The following MDFIC2 variants were observed in gnomAD, a reference collection of about 807,000 sequenced individuals.
The protein encoded by MDFIC2 is MyoD family inhibitor domain containing 2.
rs150258065 is a variant in MDFIC2 at position 70,194,884 on chromosome 3, G to A, written c.*2042C>T. ...TCCTCCTTTAGTGACTAGACCACGG[G>A]TAGAGGGGTGGGTGCTCAGAGAGGA... is the stretch of plus-strand genomic sequence containing the variant. On this transcript the variant is annotated 3_prime_UTR_variant, in exon 4 of 4. Coordinates refer to ENST00000567252, the MANE Select transcript of MDFIC2 (RefSeq NM_001364677.1). Among the ~76,000 whole-genome samples, 1 of 152,180 alleles carries A rather than the reference G, an allele frequency of 6.6e-6. No homozygotes were observed. The highest frequency in any genetic ancestry group is 1.5e-5 in the Non-Finnish European group (1 of 68,030).
At chr3:70,224,723 T>A (rs576210460) in intron 2 of MDFIC2, among the ~76,000 whole-genome samples, 3 of 152,118 alleles carry the variant, frequency 2.0e-5, no homozygotes, top group Admixed American at 1.3e-4. Flanking sequence ...CTTGGTTTTT[T>A]TTTTAATTCA....
intron 2 of MDFIC2, among the ~76,000 whole-genome samples, chr3:70,296,571 G>A (rs569606068): frequency 6.6e-6 from 1 of 152,186 alleles, no homozygotes; most frequent in African/African-American, 2.4e-5. Flanking sequence ...ATTTCTCTCT[G>A]TGTTTCCAGT....
At chr3:70,310,485 C>T (rs1702444301) in intron 2 of MDFIC2, among the ~76,000 whole-genome samples, 1 of 152,070 alleles carries the variant, frequency 6.6e-6, no homozygotes, top group South Asian at 2.1e-4. Context: ...CCTGCCTCAG[C>T]CTCCTGAGTA....
chr3:70,279,760 A>G (rs1036320903), intron 2 of MDFIC2, among the ~76,000 whole-genome samples: 1 of 152,166 alleles, frequency 6.6e-6, no homozygotes, highest in African/African-American at 2.4e-5. Context: ...CATAAATGCC[A>G]TCCCTCTTTT....
chr3:70,269,005 A>T (rs867365822), intron 2 of MDFIC2, among the ~76,000 whole-genome samples: 18 of 152,098 alleles, frequency 1.2e-4, no homozygotes, highest in Admixed American at 6.5e-4. Context: ...AAGTTTAAAT[A>T]AAAAAAGAAA....
intron 2 of MDFIC2, among the ~76,000 whole-genome samples, chr3:70,230,129 A>T (rs1701544034): frequency 6.6e-6 from 1 of 152,254 alleles, no homozygotes; most frequent in African/African-American, 2.4e-5. Flanking sequence ...AGAATTAAAA[A>T]TGGTCAGGCC....
intron 2 of MDFIC2, among the ~76,000 whole-genome samples, chr3:70,223,256 G>A (rs549764560): frequency 2.0e-4 from 31 of 152,220 alleles, no homozygotes; most frequent in African/African-American, 6.3e-4. Flanking sequence ...TCGAAACTCA[G>A]AGAGATGAAG....
intron 2 of MDFIC2, among the ~76,000 whole-genome samples, chr3:70,302,276 AT>A (rs1702356788): frequency 6.6e-6 from 1 of 151,868 alleles, no homozygotes; most frequent in South Asian, 2.1e-4. Context: ...TTTTTTACTA[AT>A]GGTCTGGTGA....
rs143554189 is a variant in MDFIC2, at chr3:70,255,903, C to T, written c.89-49113G>A. ...AGGTGCAAACTGTGTGGATCCTGAG[C>T]ATTTACAGGAAAAAAATTCTAATTA... is the stretch of plus-strand genomic sequence containing the variant. On this transcript the variant is annotated intron_variant, in intron 2 of 3. Transcript: ENST00000567252. 9.9e-5 allele frequency among the ~76,000 whole-genome samples: 15 copies of T among 152,078 alleles called. 2 individuals carry two copies. Among genetic ancestry groups the T allele is most frequent in the African/African-American group, 3.4e-4 (14 of 41,466 alleles).
intron 2 of MDFIC2, among the ~76,000 whole-genome samples, chr3:70,227,661 ACTT>A (rs1437165399): frequency 3.9e-5 from 6 of 152,214 alleles, no homozygotes; most frequent in African/African-American, 1.4e-4. Flanking sequence ...TAATAATACT[ACTT>A]AACAATTTCT....
intron 2 of MDFIC2, among the ~76,000 whole-genome samples, chr3:70,276,393 T>C (rs563562038): frequency 6.6e-6 from 1 of 152,356 alleles, no homozygotes; most frequent in African/African-American, 2.4e-5. Flanking sequence ...TATTGTCTTG[T>C]GATTATAAGT....
chr3:70,312,178 A>G (rs1007112676), intron 1 of MDFIC2, among the ~76,000 whole-genome samples: 1 of 152,130 alleles, frequency 6.6e-6, no homozygotes, highest in South Asian at 2.1e-4. Flanking sequence ...ACTTTATATG[A>G]TATTTCTTTG....
At chr3:70,205,886 G>T (rs1352470510) in intron 3 of MDFIC2, 2 of 151,892 alleles carry the variant, frequency 1.3e-5, no homozygotes, top group Admixed American at 1.3e-4. Flanking sequence ...TCCTGTAAAG[G>T]TCATTGCAAA....
intron 2 of MDFIC2, among the ~76,000 whole-genome samples, chr3:70,278,445 T>C (rs1403346285): frequency 1.3e-5 from 2 of 152,174 alleles, no homozygotes; most frequent in Non-Finnish European, 2.9e-5. Flanking sequence ...AATTGTAGAA[T>C]GGGAAGACTT....
chr3:70,292,651 A>G (rs1309785508), intron 2 of MDFIC2, among the ~76,000 whole-genome samples: 3 of 152,158 alleles, frequency 2.0e-5, no homozygotes, highest in Admixed American at 2.0e-4. Flanking sequence ...TAAACTCCCT[A>G]ATGATTGATG....
At chr3:70,220,609 T>C (rs1351800122) in intron 2 of MDFIC2, among the ~76,000 whole-genome samples, 1 of 152,114 alleles carries the variant, frequency 6.6e-6, no homozygotes, top group African/African-American at 2.4e-5. Flanking sequence ...CCAGGAAGTA[T>C]GTTAGTGTGT....
chr3:70,235,657 A>G (rs1701599878), intron 2 of MDFIC2, among the ~76,000 whole-genome samples: 1 of 152,078 alleles, frequency 6.6e-6, no homozygotes, highest in Admixed American at 6.6e-5. Context: ...CCCTTTGCTG[A>G]CCACTCTTGA....
At chr3:70,199,582 A>G (rs1281208888) in intron 3 of MDFIC2, among the ~76,000 whole-genome samples, 2 of 152,156 alleles carry the variant, frequency 1.3e-5, no homozygotes, top group Non-Finnish European at 2.9e-5. Context: ...CGATCTTTCA[A>G]GTGAGTTCCA....
intron 2 of MDFIC2, among the ~76,000 whole-genome samples, chr3:70,264,136 G>A (rs920551124): frequency 3.3e-5 from 5 of 152,140 alleles, no homozygotes; most frequent in Non-Finnish European, 7.3e-5. Flanking sequence ...AAATATATAT[G>A]TTTAAAATGT....
Sources: gnomAD v4.1 joint callset for allele counts (sites outside exome capture counted in the v4.1 genomes callset) on GRCh38, gnomAD v4.1.1 for gene constraint, MANE v1.5 for transcripts, NCBI Gene and HGNC (gene_info 2026-07-23, HGNC 2026-07-21) for gene names.